MYH11: variants seen among roughly 807,000 people sequenced by gnomAD.
The protein encoded by MYH11 is myosin-11.
Under a neutral mutation model 246.6 loss-of-function variants are expected in MYH11, and 80 were observed. The ratio of observed to expected loss-of-function variants is 0.32; its 90% CI spans 0.27 to 0.39. The LOEUF (loss-of-function observed/expected upper bound fraction) is 0.39. Among genes scored for constraint, MYH11 ranks in the 10% least tolerant of loss-of-function variants. MYH11 has a pLI of 1.00. For missense variants in MYH11, 2,158 were observed against 2,546.8 expected (o/e 0.85, Z 3.29); for synonymous variants, 1,071 against 1,015.5 (o/e 1.05, Z -1.04).
chr16:15,803,201 A>G (rs2042928794), intron 3 of MYH11, among the ~76,000 whole-genome samples: 1 of 152,130 alleles, frequency 6.6e-6, no homozygotes, highest in Non-Finnish European at 1.5e-5. Context: ...CTGGAGACAG[A>G]CAGATACCCG....
chr16:15,769,706 C>T (rs1180340620), intron 9 of MYH11, among the ~76,000 whole-genome samples: 2 of 152,242 alleles, frequency 1.3e-5, no homozygotes, highest in African/African-American at 4.8e-5. Context: ...GAATTACAGG[C>T]GTGAGCCACC....
At chr16:15,735,301 C>T (rs375147871) in intron 26 of MYH11, 65 bp downstream of exon 26, 4 of 1,581,488 alleles carry the variant, frequency 2.5e-6, no homozygotes, top group African/African-American at 2.7e-5. Context: ...GGTTTGTCCC[C>T]TCTTCTGCCC....
At chr16:15,829,764 G>A (rs569307259) in intron 2 of MYH11, among the ~76,000 whole-genome samples, 1 of 152,278 alleles carries the variant, frequency 6.6e-6, no homozygotes, top group South Asian at 2.1e-4. Flanking sequence ...CCTGAGCAGG[G>A]GGTGCTCCCG....
chr16:15,798,624 C>CAAAAAAAAAAAAAAAA, intron 4 of MYH11, 36 bp downstream of exon 4: 2 of 870,258 alleles, frequency 2.3e-6, no homozygotes, highest in South Asian at 2.2e-5. Flanking sequence ...AAAAAAAAAA[C>CAAAAAAAAAAAAAAAA]AAAAAAAAAA....
chr16:15,838,065 A>T lies in MYH11; in HGVS notation c.188T>A (p.Val63Glu), dbSNP rs2043950389. 6.2e-7 allele frequency: 1 copy of T among 1,613,876 alleles called. No homozygotes were observed. Among genetic ancestry groups the T allele is most frequent in the Non-Finnish European group, 8.5e-7 (1 of 1,179,974 alleles). ...AACCGTGACCTTCTTGCCATTCTCC[A>T]CCAGCTCCACAACCACCTCATCCCC... The part of the protein sequence containing the change: ...EKGDEVVVEL[V>E]ENGKKVTVGK... Residue 63 changes from valine to glutamate, a missense_variant, in exon 2 of 41, where the codon GTG becomes GAG. By Grantham distance (121) the Val-to-Glu change is moderately radical. Transcript: ENST00000300036.
chr16:15,837,700 A>G (rs146178487), intron 2 of MYH11, among the ~76,000 whole-genome samples: 246 of 151,888 alleles, frequency 1.6e-3, no homozygotes, highest in African/African-American at 5.7e-3. Context: ...ACCCTTGGCT[A>G]CTTTTTGTAT....
rs2039614500 is a variant in MYH11 at position 15,708,837 on chromosome 16, G to A, written c.5787-4714C>T. 6.2e-7 allele frequency: 1 copy of A among 1,610,010 alleles called. No homozygotes were observed. The highest frequency in any genetic ancestry group is 8.5e-7 in the Non-Finnish European group (1 of 1,178,470). ...CACTGCGAAGTTTCCTGTGGGGGGG[G>A]CCCTCTGAAACAGAGAGAGAATCCC... On this transcript the variant is annotated intron_variant, in intron 40 of 40. Transcript: ENST00000300036.
At chr16:15,759,817 G>A (rs2041825350) in intron 11 of MYH11, 89 bp from the exon 12 acceptor site, 1 of 1,519,500 alleles carries the variant, frequency 6.6e-7, no homozygotes, top group Non-Finnish European at 9.0e-7. Context: ...TTTATTCTTG[G>A]CCGGGTGCAG....
chr16:15,789,591 C>A (rs1159367230), intron 4 of MYH11, among the ~76,000 whole-genome samples: 1 of 152,154 alleles, frequency 6.6e-6, no homozygotes, highest in African/African-American at 2.4e-5. Flanking sequence ...AGAGAAAAGA[C>A]AGAGTGAAGT....
chr16:15,773,340 T>C (rs546741790), intron 8 of MYH11, among the ~76,000 whole-genome samples: 2 of 143,634 alleles, frequency 1.4e-5, no homozygotes, highest in African/African-American at 5.2e-5. Context: ...CAGGTTGGAG[T>C]GCAGTGGTGC....
At chr16:15,721,734 G>C in intron 31 of MYH11, 100 bp from the exon 32 acceptor site, 1 of 1,257,448 alleles carries the variant, frequency 8.0e-7, no homozygotes, top group African/African-American at 1.5e-5. Context: ...TGAATGTATT[G>C]AGGTGCAGGT....
rs1324030076 is a variant in MYH11, at chr16:15,724,309, T to C, written c.4217A>G (p.Gln1406Arg). ...RFQKEIENLTQQYEEKAAAYD... is the reference protein window; with the variant it reads ...RFQKEIENLTRQYEEKAAAYD... Reference sequence around the variant, plus strand: ...AGCGGCCGCCTTCTCCTCGTACTGCTGGGTGAGGTTCTCGATCTCCTTCTG... The same window carrying C: ...AGCGGCCGCCTTCTCCTCGTACTGCCGGGTGAGGTTCTCGATCTCCTTCTG... Residue 1406 changes from glutamine (Q) to arginine (R), a missense_variant, in exon 31 of 41, where the codon CAG (glutamine) becomes CGG (arginine). Physicochemically the swap from Gln to Arg is conservative, Grantham distance 43. Transcript: ENST00000300036. 6.2e-7 allele frequency: 1 copy of C among 1,614,182 alleles called. No individual in the cohort carries two copies. The highest frequency in any genetic ancestry group is 8.5e-7 in the Non-Finnish European group (1 of 1,180,016).
chr16:15,851,138 C>T (rs912045407), intron 1 of MYH11, among the ~76,000 whole-genome samples: 3 of 152,090 alleles, frequency 2.0e-5, no homozygotes, highest in Admixed American at 6.6e-5. Context: ...CAACACAATT[C>T]GCCAGCTGGA....
chr16:15,744,978 C>T (rs1032020276), intron 20 of MYH11, 151 bp downstream of exon 20: 7 of 687,358 alleles, frequency 1.0e-5, no homozygotes, highest in Admixed American at 4.3e-5. Flanking sequence ...AGGGCCTCCT[C>T]GGGCCAGAGA....
intron 3 of MYH11, among the ~76,000 whole-genome samples, chr16:15,812,139 C>T (rs954722709): frequency 6.6e-6 from 1 of 152,068 alleles, no homozygotes; most frequent in African/African-American, 2.4e-5. Context: ...TGTGGTTGCC[C>T]GGTGTCACCG....
intron 28 of MYH11, chr16:15,726,604 G>C: frequency 1.7e-6 from 1 of 585,288 alleles, no homozygotes; most frequent in South Asian, 2.0e-5. Context: ...CTGACCTCAG[G>C]TGATCCACCC....
chr16:15,829,568 C>T (rs990269804), intron 2 of MYH11, among the ~76,000 whole-genome samples: 4 of 152,188 alleles, frequency 2.6e-5, no homozygotes, highest in South Asian at 2.1e-4. Flanking sequence ...TCTGGCCCCA[C>T]GAGCCCCTCT....
chr16:15,794,741 G>A (rs2042704015), intron 4 of MYH11, among the ~76,000 whole-genome samples: 1 of 152,244 alleles, frequency 6.6e-6, no homozygotes, highest in Non-Finnish European at 1.5e-5. Context: ...AGCCCTGTGG[G>A]AAGGATGGAG....
chr16:15,720,172 G>C lies in MYH11; in HGVS notation c.4932C>G (p.Ile1644Met). ...DSAIKGREEAIKQLRKLQAQM... is the reference protein window; with the variant it reads ...DSAIKGREEAMKQLRKLQAQM... ...CCACCTGCAGTTTGCGTAGCTGCTT[G>C]ATGGCTTCCTCCCTCCCCTTGATGG... Residue 1644 changes from isoleucine to methionine, a missense_variant, in exon 34 of 41, where the codon ATC (isoleucine) becomes ATG (methionine). By Grantham distance (10) the Ile-to-Met change is conservative. Around this residue, in one of 11 missense-constraint regions of MYH11, gnomAD observed 1,013 missense variants for 993.5 expected, o/e 1.02. Transcript: ENST00000300036. 6.2e-7 allele frequency: 1 copy of C among 1,614,066 alleles called. No individual in the cohort carries two copies. Among genetic ancestry groups the C allele is most frequent in the Non-Finnish European group, 8.5e-7 (1 of 1,180,012 alleles).
Sources: gnomAD v4.1 joint callset for allele counts (sites outside exome capture counted in the v4.1 genomes callset) on GRCh38, gnomAD v4.1.1 for gene constraint, gnomAD v4.1.1 regional missense constraint, MANE v1.5 for transcripts, NCBI Gene and HGNC (gene_info 2026-07-23, HGNC 2026-07-21) for gene names.